OMA1: variants seen among roughly 807,000 people sequenced by gnomAD.
OMA1 encodes the protein OMA1 zinc metallopeptidase.
OMA1 carries 38 observed loss-of-function variants against 30.9 expected under a neutral mutation model. That is an observed-to-expected ratio of 1.23 (90% CI 0.95 to 1.61). OMA1 has a LOEUF of 1.61. OMA1 is among the 40% of genes most tolerant of loss of function. The pLI, the probability that OMA1 is intolerant of heterozygous loss-of-function variation, is 0.00. For missense variants in OMA1, 461 were observed against 349.2 expected (o/e 1.32, Z -2.55); for synonymous variants, 173 against 121.9 (o/e 1.42, Z -2.76).
Position 58,536,531 on chromosome 1 carries a change from C to T in OMA1, c.711G>A (p.Ser237=), listed in dbSNP as rs1045692690. The part of the protein sequence containing the change: ...LLGKEQFRLL[S]ELEYEAWMEE... ...TACTTACTGCTTCATATTCCAGTTC[C>T]GATAAAAGTCTGAACTGTTCTTTCC... Residue 237 remains serine (S), a synonymous_variant, in exon 3 of 9, where the codon TCG becomes TCA. Transcript: ENST00000371226. 1.1e-5 allele frequency: 10 copies of T among 872,282 alleles called. No homozygotes were observed. Among genetic ancestry groups the T allele is most frequent in the Admixed American group, 1.7e-5 (1 of 59,134 alleles). 54.0% of individuals were successfully genotyped at this position (872,282 alleles called of 1,614,324 possible). A position where few individuals can be genotyped will look rare whatever the true frequency, so the allele number is the denominator to read the frequency against.
intron 6 of OMA1, among the ~76,000 whole-genome samples, chr1:58,529,000 A>C (rs1410116292): frequency 6.6e-6 from 1 of 152,242 alleles, no homozygotes. Flanking sequence ...CCATTATAAA[A>C]AAAAGCAATC....
At chr1:58,511,872 T>C (rs1286546685) in intron 7 of OMA1, among the ~76,000 whole-genome samples, 1 of 151,998 alleles carries the variant, frequency 6.6e-6, no homozygotes, top group East Asian at 1.9e-4. Flanking sequence ...AATGATTTTG[T>C]GAATATGACA....
Position 58,536,505 on chromosome 1 carries a change from C to T in OMA1, c.729+8G>A. On this transcript the variant is annotated splice_region_variant and intron_variant, in intron 3 of 8. Transcript: ENST00000371226. ...GCAGTCTAATTAAAAACAACTCTTA[C>T]TACTTACTGCTTCATATTCCAGTTC... is the stretch of plus-strand genomic sequence containing the variant. 1 of 865,990 alleles carries T rather than the reference C, an allele frequency of 1.2e-6. No homozygotes were observed. The highest frequency in any genetic ancestry group is 2.0e-6 in the Non-Finnish European group (1 of 496,324). 53.6% of individuals were successfully genotyped at this position (865,990 alleles called of 1,614,324 possible). A position where few individuals can be genotyped will look rare whatever the true frequency, so the allele number is the denominator to read the frequency against.
At chr1:58,505,029 T>G in intron 8 of OMA1, among the ~76,000 whole-genome samples, 1 of 152,226 alleles carries the variant, frequency 6.6e-6, no homozygotes, top group Non-Finnish European at 1.5e-5. Context: ...CTCGGCTCAC[T>G]ACAACTTCTG....
intron 8 of OMA1, among the ~76,000 whole-genome samples, chr1:58,496,413 C>T (rs1220233635): frequency 6.6e-6 from 1 of 152,192 alleles, no homozygotes; most frequent in African/African-American, 2.4e-5. Context: ...ATCATGCCAG[C>T]TTCAGGTGGC....
intron 8 of OMA1, among the ~76,000 whole-genome samples, chr1:58,498,908 C>T (rs1007695682): frequency 6.6e-5 from 10 of 151,860 alleles, no homozygotes; most frequent in Admixed American, 3.9e-4. Context: ...AAATAACTGA[C>T]GTAAATAATT....
Position 58,528,885 on chromosome 1 carries a change from T to A in OMA1, c.1141-1550A>T, listed in dbSNP as rs183522964. Among the ~76,000 whole-genome samples, 19 of 152,352 alleles carry A rather than the reference T, an allele frequency of 1.2e-4. 1 individual carries two copies. The East Asian group carries it at 3.5e-3, about 28-fold the overall frequency. On this transcript the variant is annotated intron_variant, in intron 6 of 8. Coordinates refer to ENST00000371226, the MANE Select transcript of OMA1 (RefSeq NM_145243.5). The stretch of plus-strand genomic sequence containing the variant: ...AAAATAATTCAAATAGAATCATTCC[T>A]ACTTTATTTTCATTGACGAATTACA...
chr1:58,481,007 T>C lies in OMA1; in HGVS notation c.1533A>G (p.Gln511=). The C allele has an allele frequency of 1.1e-6, 1 of 871,638 alleles. No homozygotes were observed. Among genetic ancestry groups the C allele is most frequent in the East Asian group, 2.4e-5 (1 of 41,560 alleles). The allele number at this position is 871,638 out of a possible 1,614,324, so 54.0% of individuals were successfully genotyped here. ...TCTCAACTATGTATGTTAATGGTAT[T>C]TGCTCCTGTTTTTGAATAGGAAGAG... ...MDTLPIQKQE[Q]IPLTYIVEKR... The change falls in exon 9 of 9, where the codon CAA becomes CAG. Residue 511 remains glutamine, a synonymous_variant. Coordinates refer to ENST00000371226, the MANE Select transcript of OMA1 (RefSeq NM_145243.5).
At chr1:58,505,737 TATC>T (rs1645977690) in intron 8 of OMA1, among the ~76,000 whole-genome samples, 1 of 152,268 alleles carries the variant, frequency 6.6e-6, no homozygotes, top group South Asian at 2.1e-4. Context: ...AAGATTAAAT[TATC>T]ATCAACATGT....
At chr1:58,498,313 C>T (rs948130107) in intron 8 of OMA1, among the ~76,000 whole-genome samples, 1 of 151,606 alleles carries the variant, frequency 6.6e-6, no homozygotes, top group African/African-American at 2.4e-5. Flanking sequence ...TAACTTCACC[C>T]TTGATTTTAC....
chr1:58,514,423 T>C (rs1323929251), intron 7 of OMA1, among the ~76,000 whole-genome samples: 2 of 152,208 alleles, frequency 1.3e-5, no homozygotes, highest in African/African-American at 4.8e-5. Context: ...GCCAACGTTT[T>C]CATTAGAAAT....
chr1:58,487,601 C>T (rs541860588), intron 8 of OMA1, among the ~76,000 whole-genome samples: 2 of 152,044 alleles, frequency 1.3e-5, no homozygotes, highest in Non-Finnish European at 2.9e-5. Flanking sequence ...CAGGGCTAGG[C>T]GTCCTTTTCT....
chr1:58,513,002 A>G (rs1646105236), intron 7 of OMA1, among the ~76,000 whole-genome samples: 1 of 152,218 alleles, frequency 6.6e-6, no homozygotes, highest in Non-Finnish European at 1.5e-5. Flanking sequence ...CTTCAAGAAA[A>G]GTATTATAGA....
intron 2 of OMA1, among the ~76,000 whole-genome samples, chr1:58,537,372 A>C (rs1252168538): frequency 6.6e-6 from 1 of 152,208 alleles, no homozygotes; most frequent in Non-Finnish European, 1.5e-5. Context: ...GTACAAGGGA[A>C]ACTGCCTCAG....
intron 8 of OMA1, among the ~76,000 whole-genome samples, chr1:58,497,020 C>T (rs1031055699): frequency 1.3e-5 from 2 of 152,184 alleles, no homozygotes; most frequent in African/African-American, 4.8e-5. Context: ...AGATGTGGGG[C>T]AGCCAGGTAT....
At chr1:58,508,610 C>T (rs1646026041) in intron 7 of OMA1, among the ~76,000 whole-genome samples, 1 of 152,152 alleles carries the variant, frequency 6.6e-6, no homozygotes, top group African/African-American at 2.4e-5. Flanking sequence ...GAAGGAAAAA[C>T]TTGGCTTGTG....
At chr1:58,515,905 G>A (rs1049513835) in intron 7 of OMA1, among the ~76,000 whole-genome samples, 2 of 151,994 alleles carry the variant, frequency 1.3e-5, no homozygotes, top group African/African-American at 4.8e-5. Context: ...ATTCTACAAG[G>A]TACTATTTTA....
intron 7 of OMA1, among the ~76,000 whole-genome samples, chr1:58,518,141 G>A (rs1382774866): frequency 2.0e-5 from 3 of 146,524 alleles, no homozygotes; most frequent in Non-Finnish European, 3.0e-5. Context: ...AGCTGAGATC[G>A]CGCCATTGCA....
At chr1:58,539,544 T>C (rs1646571542) in intron 1 of OMA1, among the ~76,000 whole-genome samples, 1 of 152,216 alleles carries the variant, frequency 6.6e-6, no homozygotes. Context: ...ATTTTTTTCA[T>C]TTCATTTTTA....
Sources: gnomAD v4.1 joint callset for allele counts (sites outside exome capture counted in the v4.1 genomes callset) on GRCh38, gnomAD v4.1.1 for gene constraint, MANE v1.5 for transcripts, NCBI Gene and HGNC (gene_info 2026-07-23, HGNC 2026-07-21) for gene names.